Variants in CACNA1H observed in about 807,000 individuals in gnomAD.
CACNA1H encodes voltage-dependent T-type calcium channel subunit alpha-1H.
A neutral mutation model predicts 192.5 loss-of-function variants in CACNA1H; 149 were observed. The ratio of observed to expected loss-of-function variants is 0.77; its 90% confidence interval spans 0.68 to 0.89. The LOEUF (loss-of-function observed/expected upper bound fraction) is 0.89, where lower values mean the gene tolerates loss of function less well. Among genes scored for constraint, CACNA1H ranks in the 40% least tolerant of loss-of-function variants. CACNA1H has a pLI of 0.00. For synonymous variants in CACNA1H, 2,202 were observed against 1,475.2 expected (o/e 1.49, Z -11.29); for missense variants, 4,257 against 3,423.5 (o/e 1.24, Z -6.08).
In CACNA1H at chr16:1,209,936, A is replaced by G. The variant is rs903289896; in HGVS notation, c.3745-99A>G. On this transcript the variant is annotated intron_variant, in intron 17 of 34. Transcript: ENST00000348261. ...AGGAGTGAGGATGGAGAAGGCTGAG[A>G]AGGTGCTGGGAGGGGTGGCCGAGCT... 1.8e-5 allele frequency: 15 copies of G among 844,758 alleles called. No individual in the cohort carries two copies. In the Admixed American group the frequency reaches 3.5e-4, roughly 19 times the overall value. The allele number at this position is 844,758 out of a possible 1,614,324, so 52.3% of individuals were successfully genotyped here. A position where few individuals can be genotyped will look rare whatever the true frequency, so the allele number is the denominator to read the frequency against.
chr16:1,218,251 G>A lies in CACNA1H; in HGVS notation c.5487G>A (p.Leu1829=). ...GCTCCCGTGAGGACAAGCACTGCCT[G>A]AGCTACCTGCCGGCCCTGTCGCCCG... The part of the protein sequence containing the change: ...RECSREDKHC[L]SYLPALSPVY... Residue 1829 remains leucine, a synonymous_variant, in exon 33 of 35, where the codon CTG becomes CTA. Transcript: ENST00000348261. 6.4e-7 allele frequency: 1 copy of A among 1,550,816 alleles called. No homozygotes were observed. The highest frequency in any genetic ancestry group is 1.2e-5 in the South Asian group (1 of 84,078).
intron 26 of CACNA1H, 91 bp from the exon 27 acceptor site, chr16:1,213,689 A>G (rs1969724888): frequency 9.8e-7 from 1 of 1,015,716 alleles, no homozygotes; most frequent in Non-Finnish European, 1.4e-6. Context: ...TCTACCCTAC[A>G]CTTGGCCACC....
At chr16:1,198,397 G>C (rs571632050) in intron 5 of CACNA1H, among the ~76,000 whole-genome samples, 1 of 152,298 alleles carries the variant, frequency 6.6e-6, no homozygotes, top group East Asian at 1.9e-4. Context: ...CAGACCCCAG[G>C]GTGTCAGTGT....
Position 1,155,745 on chromosome 16 carries a change from C to T in CACNA1H, c.299+1709C>T, listed in dbSNP as rs138118054. ...GCCTGGCCCCGGTGTTCTGGGCTGG[C>T]TGTGTGTCTCAGGACTTCCAAGGAG... On this transcript the variant is annotated intron_variant, in intron 2 of 34. Transcript: ENST00000348261. Among the ~76,000 whole-genome samples the T allele has an allele frequency of 4.1e-4, 63 of 152,250 alleles. No individual in the cohort carries two copies. The East Asian group carries it at 0.01, about 25-fold the overall frequency.
At chr16:1,198,053 C>T (rs996081165) in intron 5 of CACNA1H, among the ~76,000 whole-genome samples, 1 of 152,200 alleles carries the variant, frequency 6.6e-6, no homozygotes, top group Non-Finnish European at 1.5e-5. Context: ...GCAGGATTCT[C>T]ACTGGGAATC....
chr16:1,181,061 C>A (rs191938220), intron 2 of CACNA1H, among the ~76,000 whole-genome samples: 159 of 152,348 alleles, frequency 1.0e-3, no homozygotes, highest in African/African-American at 3.6e-3. Context: ...GGCAGCTGTG[C>A]AGTGGCGCTC....
rs1323664557 is a variant in CACNA1H, at chr16:1,221,259, C to A, written c.*265C>A. 4 of 467,094 alleles carry A rather than the reference C, an allele frequency of 8.6e-6. No individual in the cohort carries two copies. Among genetic ancestry groups the A allele is most frequent in the Non-Finnish European group, 1.5e-5 (4 of 267,180 alleles). 28.9% of individuals were successfully genotyped at this position (467,094 alleles called of 1,614,324 possible). On this transcript the variant is annotated 3_prime_UTR_variant, in exon 35 of 35. Transcript: ENST00000348261. ...CTGTGCGGGCAACTGGGTCAGCCTC[C>A]CGTCAGGAGAGAAGCCGCGTCTGTG...
Position 1,167,359 on chromosome 16 carries a change from G to A in CACNA1H, c.299+13323G>A, listed in dbSNP as rs949064450. ...GCGATATCGGCGCGGAGCGGGCGGG[G>A]TGGCGCCCGGGCCGCGGGTGGGAGA... On this transcript the variant is annotated intron_variant, in intron 2 of 34. Transcript: ENST00000348261. The surrounding 1 kb of genome is among the most constrained non-coding windows in gnomAD (Gnocchi z 4.2). Among the ~76,000 whole-genome samples, 1 of 152,136 alleles carries A rather than the reference G, an allele frequency of 6.6e-6. No homozygotes were observed. The highest frequency in any genetic ancestry group is 1.5e-5 in the Non-Finnish European group (1 of 68,030).
At chr16:1,166,728 T>C (rs4542664) in intron 2 of CACNA1H, among the ~76,000 whole-genome samples, 79,987 of 151,976 alleles carry the variant, frequency 0.53, 22,811 homozygotes, top group East Asian at 0.83. Flanking sequence ...TCTCGAGCTT[T>C]GTGCGGGCCG....
rs536221605 is a variant in CACNA1H at position 1,179,300 on chromosome 16, C to T, written c.300-15672C>T. 1.3e-3 allele frequency among the ~76,000 whole-genome samples: 193 copies of T among 152,196 alleles called. 1 individual carries two copies. The highest frequency in any genetic ancestry group is 2.3e-3 in the Non-Finnish European group (155 of 67,990). ...GGTAGGGTGAGTTGGGGGTCCCTGA[C>T]CTCAGTCACCAGGCTGTGGTGGACG... On this transcript the variant is annotated intron_variant, in intron 2 of 34. Coordinates refer to ENST00000348261, the MANE Select transcript of CACNA1H (RefSeq NM_021098.3).
At chr16:1,216,634 T>C (rs1455071924) in intron 30 of CACNA1H, among the ~76,000 whole-genome samples, 1 of 152,180 alleles carries the variant, frequency 6.6e-6, no homozygotes, top group East Asian at 1.9e-4. Flanking sequence ...GAGTGGGCTC[T>C]GGGCCAGAGG....
chr16:1,194,329 A>T (rs1216359086), intron 2 of CACNA1H, among the ~76,000 whole-genome samples: 1 of 152,116 alleles, frequency 6.6e-6, no homozygotes, highest in Non-Finnish European at 1.5e-5. Context: ...GCCGGCTTCT[A>T]CCTTAAGGAA....
chr16:1,190,434 C>G (rs560276817), intron 2 of CACNA1H, among the ~76,000 whole-genome samples: 1 of 152,358 alleles, frequency 6.6e-6, no homozygotes, highest in African/African-American at 2.4e-5. Context: ...GCCTGCTCAG[C>G]CCAGAGCTGC....
chr16:1,196,567 G>A (rs1967001163), intron 5 of CACNA1H, among the ~76,000 whole-genome samples: 2 of 152,218 alleles, frequency 1.3e-5, no homozygotes, highest in South Asian at 4.1e-4. Context: ...CCTAAGGAAA[G>A]GGGAAGTTGG....
intron 15 of CACNA1H, 70 bp from the exon 16 acceptor site, chr16:1,207,943 C>G: frequency 6.5e-7 from 1 of 1,543,316 alleles, no homozygotes; most frequent in Non-Finnish European, 8.8e-7. Context: ...AAGGCAATCC[C>G]TAGGTTGGGG....
At chr16:1,156,380 T>G (rs370466195) in intron 2 of CACNA1H, among the ~76,000 whole-genome samples, 2 of 151,464 alleles carry the variant, frequency 1.3e-5, no homozygotes, top group East Asian at 3.9e-4. Flanking sequence ...GTAGCGAGGG[T>G]GTGTGTCCTG....
At chr16:1,206,419 G>A (rs529958783) in intron 12 of CACNA1H, 130 bp downstream of exon 12, 8 of 796,768 alleles carry the variant, frequency 1.0e-5, no homozygotes, top group Admixed American at 5.3e-5. Context: ...GCAGACACTC[G>A]GCCTCTGCTG....
chr16:1,215,949 C>T (rs1425360482), intron 30 of CACNA1H, among the ~76,000 whole-genome samples: 2 of 152,166 alleles, frequency 1.3e-5, no homozygotes, highest in East Asian at 1.9e-4. Flanking sequence ...GCGTCGGCTG[C>T]GGGCCCGGGG....
intron 3 of CACNA1H, 43 bp downstream of exon 3, chr16:1,195,126 A>G (rs542893879): frequency 1.4e-6 from 1 of 720,530 alleles, no homozygotes; most frequent in Admixed American, 2.0e-5. Flanking sequence ...GTGGGTCGCT[A>G]CGAGGTTTAT....
Sources: allele counts gnomAD v4.1 joint callset (sites outside exome capture counted in the v4.1 genomes callset), GRCh38; gene constraint gnomAD v4.1.1; non-coding constraint Gnocchi (gnomAD v3.1); transcripts MANE v1.5; gene names NCBI Gene and HGNC (gene_info 2026-07-23, HGNC 2026-07-21).